MTFR1: variants seen among roughly 807,000 people sequenced by gnomAD.
MTFR1 encodes the protein mitochondrial fission regulator 1.
A neutral mutation model predicts 38.8 loss-of-function variants in MTFR1; 28 were observed. That is an observed-to-expected ratio of 0.72 (90% CI 0.53 to 0.99). MTFR1 has a LOEUF of 0.99. MTFR1 is among the 50% of genes least tolerant of loss of function. MTFR1 has a pLI of 0.00. For synonymous variants in MTFR1, 145 were observed against 137.0 expected (o/e 1.06, Z -0.41); for missense variants, 358 against 395.5 (o/e 0.91, Z 0.81).
chr8:65,715,876 G>A (rs527950054), intron 2 of MTFR1, among the ~76,000 whole-genome samples: 41 of 149,894 alleles, frequency 2.7e-4, no homozygotes, highest in South Asian at 4.2e-4. Flanking sequence ...TAGTCCCAGC[G>A]ACCTGGGAGA....
intron 3 of MTFR1, among the ~76,000 whole-genome samples, chr8:65,737,243 A>G (rs1226378729): frequency 4.6e-5 from 7 of 152,142 alleles, no homozygotes; most frequent in African/African-American, 1.4e-4. Flanking sequence ...TATGGCTTTA[A>G]GGCTTAATTC....
chr8:65,669,279 A>G (rs1804490984), intron 1 of MTFR1, among the ~76,000 whole-genome samples: 1 of 152,224 alleles, frequency 6.6e-6, no homozygotes, highest in Non-Finnish European at 1.5e-5. Flanking sequence ...GTAGTAGCAA[A>G]TGCAGTGGTG....
At chr8:65,653,284 G>GGATCAACTC in intron 1 of MTFR1, among the ~76,000 whole-genome samples, 1 of 152,254 alleles carries the variant, frequency 6.6e-6, no homozygotes, top group Non-Finnish European at 1.5e-5. Flanking sequence ...CGAGGTGGGT[G>GGATCAACTC]GATCACCTCG....
chr8:65,769,752 C>T (rs1468067967), intron 3 of MTFR1, among the ~76,000 whole-genome samples: 2 of 152,156 alleles, frequency 1.3e-5, no homozygotes, highest in South Asian at 2.1e-4. Flanking sequence ...AAATATTAGC[C>T]GGGCATGGTA....
chr8:65,707,280 C>T, intron 6 of MTFR1, 24 bp downstream of exon 6: 1 of 1,598,494 alleles, frequency 6.3e-7, no homozygotes, highest in Non-Finnish European at 8.5e-7. Context: ...CACCTTCTTT[C>T]TTCCCCATTT....
intron 1 of MTFR1, among the ~76,000 whole-genome samples, chr8:65,667,423 T>C (rs909990703): frequency 3.9e-5 from 6 of 152,014 alleles, no homozygotes; most frequent in African/African-American, 1.4e-4. Flanking sequence ...CAAACTTTCT[T>C]CTTTTTTCTT....
chr8:65,676,032 T>A (rs1273663834), intron 2 of MTFR1, among the ~76,000 whole-genome samples: 1 of 152,246 alleles, frequency 6.6e-6, no homozygotes, highest in Non-Finnish European at 1.5e-5. Flanking sequence ...GGTTTTCTTT[T>A]GGTGCTTTGG....
At chr8:65,692,462 T>C (rs1805308492) in intron 3 of MTFR1, among the ~76,000 whole-genome samples, 1 of 151,994 alleles carries the variant, frequency 6.6e-6, no homozygotes, top group Non-Finnish European at 1.5e-5. Context: ...CTCAGCCTCC[T>C]GAGTAGCTAG....
chr8:65,724,902 T>G, intron 3 of MTFR1: 1 of 1,603,506 alleles, frequency 6.2e-7, no homozygotes, highest in Non-Finnish European at 8.5e-7. Flanking sequence ...AGAGCACCTA[T>G]CTGTGTCTCC....
chr8:65,709,134 ACCTC>A lies in MTFR1; in HGVS notation c.*91_*94del. 1 of 1,104,710 alleles carries A rather than the reference ACCTC, an allele frequency of 9.1e-7. No homozygotes were observed. Among genetic ancestry groups the A allele is most frequent in the Non-Finnish European group, 1.4e-6 (1 of 721,568 alleles). 68.4% of individuals were successfully genotyped at this position (1,104,710 alleles called of 1,614,324 possible). On this transcript the variant is annotated 3_prime_UTR_variant, in exon 8 of 8. Transcript: ENST00000262146. ...TAGAAATCGACACTGTTTAGTAAAT[ACCTC>A]TTTAGTATTCAGTGGTCTTCTTTTC...
chr8:65,669,128 G>A (rs561497771), intron 1 of MTFR1, among the ~76,000 whole-genome samples: 3 of 152,256 alleles, frequency 2.0e-5, no homozygotes, highest in Non-Finnish European at 4.4e-5. Context: ...TGTTACAATA[G>A]CCAGGTACTT....
intron 3 of MTFR1, among the ~76,000 whole-genome samples, chr8:65,691,156 C>T (rs1171611965): frequency 6.6e-6 from 1 of 152,224 alleles, no homozygotes; most frequent in East Asian, 1.9e-4. Flanking sequence ...AATTTACTTA[C>T]TGAAGTTCAT....
chr8:65,688,258 G>C (rs944654946), intron 3 of MTFR1, among the ~76,000 whole-genome samples: 1 of 151,232 alleles, frequency 6.6e-6, no homozygotes, highest in African/African-American at 2.4e-5. Flanking sequence ...AAATTAGCTG[G>C]GTGTGATGGC....
chr8:65,720,944 T>C (rs1187240274), intron 3 of MTFR1, among the ~76,000 whole-genome samples: 1 of 152,216 alleles, frequency 6.6e-6, no homozygotes, highest in Non-Finnish European at 1.5e-5. Context: ...TTTCATACCA[T>C]TCATCTTATT....
At chr8:65,748,123 A>G (rs370902862) in intron 3 of MTFR1, among the ~76,000 whole-genome samples, 1 of 151,918 alleles carries the variant, frequency 6.6e-6, no homozygotes, top group East Asian at 1.9e-4. Flanking sequence ...TTAAAATACT[A>G]TAACCTCTTA....
intron 3 of MTFR1, among the ~76,000 whole-genome samples, chr8:65,693,141 G>A (rs574023575): frequency 3.9e-4 from 60 of 152,156 alleles, no homozygotes; most frequent in African/African-American, 1.3e-3. Context: ...AGTGGCTCAC[G>A]TCTGTAATCC....
At chr8:65,677,062 T>TTC (rs1237411217) in intron 2 of MTFR1, among the ~76,000 whole-genome samples, 2 of 148,318 alleles carry the variant, frequency 1.3e-5, no homozygotes, top group African/African-American at 2.6e-5. Flanking sequence ...GTTTAGCTAT[T>TTC]TCTCTCTTTT....
chr8:65,650,881 C>G lies in MTFR1; in HGVS notation c.-81+6097C>G, dbSNP rs188757067. Among the ~76,000 whole-genome samples the G allele has an allele frequency of 3.3e-5, 5 of 152,138 alleles. No individual in the cohort carries two copies. The South Asian group carries it at 8.3e-4, about 25-fold the overall frequency. On this transcript the variant is annotated intron_variant, in intron 1 of 7. Transcript: ENST00000262146. ...CTAGTTTTTTGAGGAACCTCCAAAC[C>G]GTTCTCTATAGTGGTTGAGCAAATT...
In MTFR1 at chr8:65,660,952, G is replaced by T. The variant is rs1281729631; in HGVS notation, c.-80-8921G>T. On this transcript the variant is annotated intron_variant, in intron 1 of 7. Transcript: ENST00000262146. ...AGGAACCTTAAATGCATATTACTAG[G>T]CAAAGAAGCCATTCTGAAAAGGCTA... 3.3e-5 allele frequency among the ~76,000 whole-genome samples: 5 copies of T among 152,128 alleles called. No individual in the cohort carries two copies. The East Asian group carries it at 9.6e-4, about 29-fold the overall frequency.
Sources: gnomAD v4.1 joint callset for allele counts (sites outside exome capture counted in the v4.1 genomes callset) on GRCh38, gnomAD v4.1.1 for gene constraint, MANE v1.5 for transcripts, NCBI Gene and HGNC (gene_info 2026-07-23, HGNC 2026-07-21) for gene names.